The following RADIL variants were observed in gnomAD, a reference collection of about 807,000 sequenced individuals.
RADIL encodes the protein ras-associating and dilute domain-containing protein.
A neutral mutation model predicts 97.6 loss-of-function variants in RADIL; 99 were observed. The ratio of observed to expected loss-of-function variants is 1.01; its 90% CI spans 0.86 to 1.20. The LOEUF (loss-of-function observed/expected upper bound fraction) is 1.20. Among genes scored for constraint, RADIL ranks in the 50% most tolerant of loss-of-function variants. The pLI is 0.00. For synonymous variants in RADIL, 803 were observed against 691.8 expected (o/e 1.16, Z -2.52); for missense variants, 1,765 against 1,498.9 (o/e 1.18, Z -2.93).
At chr7:4,866,001 T>C (rs899973719) in intron 2 of RADIL, among the ~76,000 whole-genome samples, 3 of 152,192 alleles carry the variant, frequency 2.0e-5, no homozygotes, top group Non-Finnish European at 4.4e-5. Context: ...CCATCTAGGT[T>C]TGTGTAAGTC....
At chr7:4,823,284 C>T (rs142858746) in intron 5 of RADIL, among the ~76,000 whole-genome samples, 4,824 of 151,786 alleles carry the variant, frequency 0.032, 252 homozygotes, top group African/African-American at 0.11. Flanking sequence ...GGCAAAACGC[C>T]GTCTCTACTA....
intron 11 of RADIL, among the ~76,000 whole-genome samples, chr7:4,802,700 C>CTGG (rs1583257408): frequency 3.9e-5 from 4 of 102,826 alleles, no homozygotes; most frequent in African/African-American, 1.2e-4. Context: ...GGCACGCTGG[C>CTGG]TGGGTCCCCT....
chr7:4,843,356 G>T (rs1449059648), intron 2 of RADIL, among the ~76,000 whole-genome samples: 1 of 151,968 alleles, frequency 6.6e-6, no homozygotes, highest in Non-Finnish European at 1.5e-5. Context: ...CCGGGGACGC[G>T]CTGCTCAATA....
intron 2 of RADIL, among the ~76,000 whole-genome samples, chr7:4,876,982 C>T (rs1271265997): frequency 6.6e-6 from 1 of 152,176 alleles, no homozygotes; most frequent in East Asian, 1.9e-4. Flanking sequence ...TTGGAGGGAC[C>T]CTGTATTTAA....
chr7:4,874,617 C>G (rs555517105), intron 2 of RADIL, among the ~76,000 whole-genome samples: 1 of 152,352 alleles, frequency 6.6e-6, no homozygotes, highest in Admixed American at 6.5e-5. Flanking sequence ...ACAACCTGCT[C>G]CAGCCCAGAT....
intron 2 of RADIL, among the ~76,000 whole-genome samples, chr7:4,864,008 A>C (rs1335941765): frequency 6.6e-6 from 1 of 152,226 alleles, no homozygotes; most frequent in Non-Finnish European, 1.5e-5. Context: ...ATTCAAAAAA[A>C]TGATTTCTTA....
rs562710213 is a variant in RADIL, at chr7:4,867,278, C to G, written c.535+10327G>C. Among the ~76,000 whole-genome samples the G allele has an allele frequency of 2.4e-4, 37 of 152,290 alleles. No homozygotes were observed. The highest frequency in any genetic ancestry group is 8.7e-4 in the African/African-American group (36 of 41,556). ...ATGACATGCACATATGCTCTGTAATCCAGCAGCTCCGTTCCTGGAAGAATG... is the reference window on the plus strand; with the variant it reads ...ATGACATGCACATATGCTCTGTAATGCAGCAGCTCCGTTCCTGGAAGAATG... On this transcript the variant is annotated intron_variant, in intron 2 of 14. Coordinates refer to ENST00000399583, the MANE Select transcript of RADIL (RefSeq NM_018059.5). This position sits in a 1 kb window ranked among gnomAD's most constrained non-coding sequence, Gnocchi z 4.1.
rs1432307109 is a variant in RADIL, at chr7:4,838,021, G to A, written c.536-1416C>T. Reference sequence around the variant, plus strand: ...GACCCTTACCAGCGCCAGCAGCCCCGCCGTCCTTCCCAAGGCAGCCGGCAG... The same window carrying A: ...GACCCTTACCAGCGCCAGCAGCCCCACCGTCCTTCCCAAGGCAGCCGGCAG... On this transcript the variant is annotated intron_variant, in intron 2 of 14. Transcript: ENST00000399583. 1.6e-5 allele frequency: 16 copies of A among 985,358 alleles called. No individual in the cohort carries two copies. The South Asian group carries it at 1.9e-4, about 12-fold the overall frequency. The allele number at this position is 985,358 out of a possible 1,614,324, so 61.0% of individuals were successfully genotyped here.
chr7:4,871,851 G>C (rs904253427), intron 2 of RADIL, among the ~76,000 whole-genome samples: 38 of 152,220 alleles, frequency 2.5e-4, no homozygotes, highest in East Asian at 5.8e-4. Flanking sequence ...AAAGCCCAGT[G>C]AGTGCTGGGG....
intron 2 of RADIL, among the ~76,000 whole-genome samples, chr7:4,857,467 T>C (rs1783860792): frequency 6.6e-6 from 1 of 152,244 alleles, no homozygotes; most frequent in South Asian, 2.1e-4. Context: ...TCCATGACCA[T>C]AGATCGTGTT....
rs1784440419 is a variant in RADIL at position 4,879,454 on chromosome 7, C to T, written c.-64-1251G>A. Among the ~76,000 whole-genome samples the T allele has an allele frequency of 6.6e-6, 1 of 152,334 alleles. No homozygotes were observed. Among genetic ancestry groups the T allele is most frequent in the African/African-American group, 2.4e-5 (1 of 41,580 alleles). On this transcript the variant is annotated intron_variant, in intron 1 of 14. Coordinates refer to ENST00000399583, the MANE Select transcript of RADIL (RefSeq NM_018059.5). The surrounding 1 kb of genome is among the most constrained non-coding windows in gnomAD (Gnocchi z 4.1). ...TCTCCCCATTACTGTACCCCACTTC[C>T]GTGCTCATGTTCTCACCAAAGACAA... is the stretch of plus-strand genomic sequence containing the variant.
chr7:4,861,259 G>C (rs770769746), intron 2 of RADIL: 1 of 1,614,094 alleles, frequency 6.2e-7, no homozygotes, highest in Non-Finnish European at 8.5e-7. Context: ...CATCTCTTAA[G>C]TCCAAATCTT....
Position 4,864,185 on chromosome 7 carries a change from A to G in RADIL, c.535+13420T>C, listed in dbSNP as rs1006670296. 2.8e-4 allele frequency among the ~76,000 whole-genome samples: 42 copies of G among 152,278 alleles called. 1 individual carries two copies. Among genetic ancestry groups the G allele is most frequent in the African/African-American group, 9.9e-4 (41 of 41,552 alleles). ...TCTTTGGTGACCTCCATGTTGCCCA[A>G]CCCATGACCCCAATGATTTCCATCT... On this transcript the variant is annotated intron_variant, in intron 2 of 14. Coordinates refer to ENST00000399583, the MANE Select transcript of RADIL (RefSeq NM_018059.5).
chr7:4,877,586 A>G lies in RADIL; in HGVS notation c.535+19T>C. On this transcript the variant is annotated intron_variant, in intron 2 of 14. Transcript: ENST00000399583. The stretch of plus-strand genomic sequence containing the variant: ...GCGCTCAGACCCACGGCTCTTCCTG[A>G]ACCTGTGGCCCCCCTCACCTGCCGT... 6.4e-7 allele frequency: 1 copy of G among 1,572,802 alleles called. No homozygotes were observed. The highest frequency in any genetic ancestry group is 2.2e-5 in the East Asian group (1 of 44,732).
At chr7:4,853,181 C>A (rs1783749862) in intron 2 of RADIL, among the ~76,000 whole-genome samples, 1 of 152,138 alleles carries the variant, frequency 6.6e-6, no homozygotes, top group African/African-American at 2.4e-5. Context: ...AAGATGACCC[C>A]CAGTGACCCC....
In RADIL at chr7:4,797,604, C is replaced by G. The variant is rs1339023328; in HGVS notation, c.*1774G>C. 4 of 152,244 alleles carry G rather than the reference C, an allele frequency of 2.6e-5. No individual in the cohort carries two copies. Among genetic ancestry groups the G allele is most frequent in the Admixed American group, 2.6e-4 (4 of 15,280 alleles). 9.4% of individuals were successfully genotyped at this position (152,244 alleles called of 1,614,324 possible). On this transcript the variant is annotated 3_prime_UTR_variant, in exon 15 of 15. Coordinates refer to ENST00000399583, the MANE Select transcript of RADIL (RefSeq NM_018059.5). ...AGAGTCCAGGATCCTGGGATCTGCA[C>G]CAGGTCCAGAAATGCAGACCGTCCA...
Position 4,801,758 on chromosome 7 carries a change from C to A in RADIL, c.2737G>T (p.Glu913Ter). Residue 913 changes from glutamate to a stop codon, truncating the protein, a stop_gained, in exon 12 of 15, where the codon GAG becomes TAG. Transcript: ENST00000399583. LOFTEE classifies it high-confidence loss of function. ...TCTGGCCAGTCGGGGTCCCCAGGCT[C>A]AGGGCCAAGTGGAGTGCTGGGAGGC... ...LTPPSTPLGP[E>*]PGDPDWPESG... is the part of the protein sequence containing the mutation. 1 of 1,610,576 alleles carries A rather than the reference C, an allele frequency of 6.2e-7. No individual in the cohort carries two copies. The highest frequency in any genetic ancestry group is 8.5e-7 in the Non-Finnish European group (1 of 1,179,142).
At position 4,874,575 on chromosome 7, in the gene RADIL, G is replaced by A. The variant is rs537409465; in HGVS notation, c.535+3030C>T. Among the ~76,000 whole-genome samples, 205 of 152,334 alleles carry A rather than the reference G, an allele frequency of 1.3e-3. 1 individual carries two copies. Among genetic ancestry groups the A allele is most frequent in the African/African-American group, 4.7e-3 (197 of 41,594 alleles). On this transcript the variant is annotated intron_variant, in intron 2 of 14. Transcript: ENST00000399583. The stretch of plus-strand genomic sequence containing the variant: ...GGTCAGCAAGGAAGGATGAGTGCCC[G>A]AGGCCCAGGGGGCCAGCTCTGGGTA...
intron 5 of RADIL, among the ~76,000 whole-genome samples, chr7:4,826,941 C>G (rs1045064534): frequency 6.6e-6 from 1 of 151,696 alleles, no homozygotes; most frequent in South Asian, 2.1e-4. Flanking sequence ...CAAAAGGGCA[C>G]AGAAAGAGTG....
Sources: gnomAD v4.1 joint callset for allele counts (sites outside exome capture counted in the v4.1 genomes callset) on GRCh38, gnomAD v4.1.1 for gene constraint, Gnocchi (gnomAD v3.1) non-coding constraint, MANE v1.5 for transcripts, NCBI Gene and HGNC (gene_info 2026-07-23, HGNC 2026-07-21) for gene names.